The following MAST1 variants were observed in gnomAD, a reference collection of about 807,000 sequenced individuals.
MAST1 encodes microtubule-associated serine/threonine-protein kinase 1.
A neutral mutation model predicts 124.6 loss-of-function variants in MAST1; 40 were observed. The ratio of observed to expected loss-of-function variants is 0.32; its 90% CI spans 0.25 to 0.42. The LOEUF (loss-of-function observed/expected upper bound fraction) is 0.42, where lower values mean the gene tolerates loss of function less well. MAST1 is among the 10% of genes least tolerant of loss of function. The pLI is 1.00. For synonymous variants in MAST1, 938 were observed against 939.4 expected, an observed-to-expected ratio of 1.00 and a Z score of 0.03; for missense variants, 1,558 against 2,181.9, an observed-to-expected ratio of 0.71 and a Z score of 5.70.
chr19:12,847,727 G>T lies in MAST1; in HGVS notation c.564+40G>T, dbSNP rs767570268. The T allele has an allele frequency of 1.1e-5, 17 of 1,605,302 alleles. No homozygotes were observed. The East Asian group carries it at 3.6e-4, about 34-fold the overall frequency. ...GAGGCGGTCACGGGGTGACCAGGCG[G>T]CCTGCACTCTCGCTCGCCTTATCCC... On this transcript the variant is annotated intron_variant, in intron 6 of 25. Coordinates refer to ENST00000251472, the MANE Select transcript of MAST1 (RefSeq NM_014975.3). This position sits in a 1 kb window ranked among gnomAD's most constrained non-coding sequence, Gnocchi z 5.5.
chr19:12,868,905 A>C, intron 21 of MAST1, 56 bp downstream of exon 21: 1 of 1,558,318 alleles, frequency 6.4e-7, no homozygotes, highest in Non-Finnish European at 8.7e-7. Context: ...GAGGCAGGAC[A>C]GACCAATGAA....
At chr19:12,839,686 G>A (rs1472597309) in intron 1 of MAST1, among the ~76,000 whole-genome samples, 1 of 152,162 alleles carries the variant, frequency 6.6e-6, no homozygotes, top group Non-Finnish European at 1.5e-5. Context: ...ACACCCAGAC[G>A]GAAGGACAGT....
At chr19:12,857,793 C>G (rs1014081124) in intron 10 of MAST1, among the ~76,000 whole-genome samples, 1 of 151,972 alleles carries the variant, frequency 6.6e-6, no homozygotes, top group Non-Finnish European at 1.5e-5. Flanking sequence ...TTTGGGAGGC[C>G]AAGGCAGGCA....
chr19:12,868,102 G>GTTTTTTTTTTTTTTT (rs1568414424), intron 20 of MAST1, 125 bp downstream of exon 20: 92 of 538,814 alleles, frequency 1.7e-4, no homozygotes, highest in East Asian at 1.0e-3. Flanking sequence ...TGCAATTTGG[G>GTTTTTTTTTTTTTTT]ATTTTTTTTT....
At chr19:12,872,079 G>A (rs1208032402) in intron 24 of MAST1, among the ~76,000 whole-genome samples, 1 of 152,148 alleles carries the variant, frequency 6.6e-6, no homozygotes, top group Non-Finnish European at 1.5e-5. Flanking sequence ...CAGAGACGGA[G>A]GGGGTCCAGG....
chr19:12,867,383 C>A, intron 18 of MAST1, 91 bp from the exon 19 acceptor site: 1 of 1,446,410 alleles, frequency 6.9e-7, no homozygotes, highest in Non-Finnish European at 9.6e-7. Flanking sequence ...GGGTGGAGTG[C>A]GTTTTGCGGG....
chr19:12,845,888 A>T (rs1599577602), intron 4 of MAST1, among the ~76,000 whole-genome samples: 1 of 151,492 alleles, frequency 6.6e-6, no homozygotes, highest in South Asian at 2.1e-4. Context: ...AGAACTCCTG[A>T]CCTCAGTTTT....
At chr19:12,858,464 G>T (rs756780459) in intron 11 of MAST1, 23 bp downstream of exon 11, 3 of 1,612,194 alleles carry the variant, frequency 1.9e-6, no homozygotes, top group South Asian at 1.1e-5. Context: ...GGGCTCTGGC[G>T]GGGGGAGGGT....
chr19:12,839,836 C>T (rs1046919509), intron 1 of MAST1, among the ~76,000 whole-genome samples: 2 of 152,074 alleles, frequency 1.3e-5, no homozygotes, highest in African/African-American at 4.8e-5. Flanking sequence ...TTGCTTGAGC[C>T]CAGGAGTTTG....
At chr19:12,852,539 TAA>T in intron 10 of MAST1, 144 bp downstream of exon 10, 1 of 774,434 alleles carries the variant, frequency 1.3e-6, no homozygotes, top group Non-Finnish European at 2.2e-6. Context: ...AAAATGGGAT[TAA>T]TAATAGCTCT....
intron 21 of MAST1, 93 bp from the exon 22 acceptor site, chr19:12,868,973 G>A (rs986551172): frequency 1.3e-6 from 2 of 1,532,728 alleles, no homozygotes; most frequent in Non-Finnish European, 1.8e-6. Context: ...ATGAGAGGCT[G>A]CTCTGCCACT....
Position 12,865,581 on chromosome 19 carries a change from C to T in MAST1, c.1804+100C>T, listed in dbSNP as rs533173071. On this transcript the variant is annotated intron_variant, in intron 15 of 25. Transcript: ENST00000251472. This position sits in a 1 kb window ranked among gnomAD's most constrained non-coding sequence, Gnocchi z 7.1. ...TTTCAAAAGCGACCCCCCAGAGGAT[C>T]GCTTGCACTCAGGAGGTCAAGGCTG... 105 of 1,498,332 alleles carry T rather than the reference C, an allele frequency of 7.0e-5. No homozygotes were observed. Among genetic ancestry groups the T allele is most frequent in the Admixed American group, 1.0e-4 (5 of 48,368 alleles). The allele number at this position is 1,498,332 out of a possible 1,614,324, so 92.8% of individuals were successfully genotyped here.
At chr19:12,871,931 A>C (rs1254991543) in intron 24 of MAST1, among the ~76,000 whole-genome samples, 1 of 151,514 alleles carries the variant, frequency 6.6e-6, no homozygotes, top group Non-Finnish European at 1.5e-5. Flanking sequence ...AAAAAAAAAA[A>C]AAAAAAGAGG....
rs745998563 is a variant in MAST1, at chr19:12,874,499, G to A, written c.4342G>A (p.Val1448Met). ...GCCTGCGCGGCCCGGGGCTAAGGCT[G>A]TGGTGCCTCAGCCTCTGGGCGCGGA... The part of the protein sequence containing the change: ...VEPARPGAKA[V>M]VPQPLGADSK... Residue 1448 changes from valine (V) to methionine (M), a missense_variant, in exon 26 of 26, where the codon GTG (valine) becomes ATG (methionine). By Grantham distance (21) the Val-to-Met change is conservative. Around this residue, in one of 10 missense-constraint regions of MAST1, gnomAD observed 263 missense variants for 310.9 expected, o/e 0.85. Coordinates refer to ENST00000251472, the MANE Select transcript of MAST1 (RefSeq NM_014975.3). The surrounding 1 kb of genome is among the most constrained non-coding windows in gnomAD (Gnocchi z 6.6). 7 of 1,552,340 alleles carry A rather than the reference G, an allele frequency of 4.5e-6. No individual in the cohort carries two copies. The Admixed American group carries it at 9.2e-5, about 20-fold the overall frequency.
intron 21 of MAST1, 48 bp from the exon 22 acceptor site, chr19:12,869,018 T>A (rs1464472946): frequency 6.3e-7 from 1 of 1,587,940 alleles, no homozygotes; most frequent in African/African-American, 1.3e-5. Flanking sequence ...TACAGGGAGA[T>A]GTCTATCTTC....
At chr19:12,870,718 T>C in intron 22 of MAST1, 106 bp from the exon 23 acceptor site, 2 of 1,204,626 alleles carry the variant, frequency 1.7e-6, no homozygotes, top group Non-Finnish European at 2.3e-6. Flanking sequence ...CAAGGTGTTA[T>C]GAGGATTCTA....
rs144422287 is a variant in MAST1, at chr19:12,847,989, C to T, written c.706C>T (p.Arg236Cys). 8.7e-6 allele frequency: 14 copies of T among 1,614,022 alleles called. No individual in the cohort carries two copies. The highest frequency in any genetic ancestry group is 1.2e-5 in the Non-Finnish European group (14 of 1,180,002). ...GGCCCGGGACTGCCTGACCAAGTCCCGTGACGGCCTCATCACCACGGTCTA... is the reference window on the plus strand; with the variant it reads ...GGCCCGGGACTGCCTGACCAAGTCCTGTGACGGCCTCATCACCACGGTCTA... The part of the protein sequence containing the change: ...ELARDCLTKS[R>C]DGLITTVYFY... Residue 236 changes from arginine to cysteine, a missense_variant, in exon 7 of 26, where the codon CGT (arginine) becomes TGT (cysteine). Physicochemically the swap from Arg to Cys is radical, Grantham distance 180. Coordinates refer to ENST00000251472, the MANE Select transcript of MAST1 (RefSeq NM_014975.3). This position sits in a 1 kb window ranked among gnomAD's most constrained non-coding sequence, Gnocchi z 5.5.
At chr19:12,868,369 A>G (rs960622877) in intron 20 of MAST1, among the ~76,000 whole-genome samples, 5 of 152,050 alleles carry the variant, frequency 3.3e-5, no homozygotes, top group South Asian at 2.1e-4. Flanking sequence ...TTGGCCTACC[A>G]AAGTGCTGGG....
rs34988246 is a variant in MAST1 at position 12,868,103 on chromosome 19, A to ATTTTTT, written c.2566+144_2566+149dup. The ATTTTTT allele has an allele frequency of 9.5e-4, 307 of 322,086 alleles. 9 individuals carry two copies. The highest frequency in any genetic ancestry group is 4.8e-3 in the South Asian group (43 of 8,904). 20.0% of individuals were successfully genotyped at this position (322,086 alleles called of 1,614,324 possible). A position where few individuals can be genotyped will look rare whatever the true frequency, so the allele number is the denominator to read the frequency against. On this transcript the variant is annotated intron_variant, in intron 20 of 25. Coordinates refer to ENST00000251472, the MANE Select transcript of MAST1 (RefSeq NM_014975.3). ...GGTCCTATTCACATTGCAATTTGGG[A>ATTTTTT]TTTTTTTTTTTTTTTTTTTTTTTGA...
Sources: gnomAD v4.1 joint callset for allele counts (sites outside exome capture counted in the v4.1 genomes callset) on GRCh38, gnomAD v4.1.1 for gene constraint, gnomAD v4.1.1 regional missense constraint, Gnocchi (gnomAD v3.1) non-coding constraint, MANE v1.5 for transcripts, NCBI Gene and HGNC (gene_info 2026-07-23, HGNC 2026-07-21) for gene names.